Variants in NAGA observed in about 807,000 individuals in gnomAD.
NAGA encodes the protein alpha-N-acetylgalactosaminidase.
Under a neutral mutation model 45.6 loss-of-function variants are expected in NAGA, and 42 were observed. That is an observed-to-expected ratio of 0.92 (90% CI 0.72 to 1.19). The LOEUF (loss-of-function observed/expected upper bound fraction) is 1.19. NAGA is among the 50% of genes most tolerant of loss of function. NAGA has a pLI of 0.00. For synonymous variants in NAGA, 176 were observed against 203.1 expected, an observed-to-expected ratio of 0.87 and a Z score of 1.13; for missense variants, 493 against 544.8, an observed-to-expected ratio of 0.90 and a Z score of 0.95.
chr22:42,068,084 T>C, intron 2 of NAGA, 148 bp from the exon 3 acceptor site: 1 of 838,054 alleles, frequency 1.2e-6, no homozygotes. Flanking sequence ...CCACCAGAGA[T>C]TGTGCGATGA....
chr22:42,060,824 A>C, intron 8 of NAGA, 100 bp downstream of exon 8: 2 of 1,538,276 alleles, frequency 1.3e-6, no homozygotes, highest in Non-Finnish European at 1.8e-6. Flanking sequence ...CCCTAAGCCC[A>C]CGGCTCAGGG....
chr22:42,062,639 AGAG>A (rs970392905), intron 7 of NAGA, among the ~76,000 whole-genome samples, 185 bp downstream of exon 7: 3 of 152,174 alleles, frequency 2.0e-5, no homozygotes, highest in Admixed American at 6.5e-5. Context: ...TCACCCAGCA[AGAG>A]GAGGACAGTT....
chr22:42,067,128 C>T lies in NAGA; in HGVS notation c.487G>A (p.Glu163Lys), dbSNP rs372458856. The T allele has an allele frequency of 8.7e-5, 141 of 1,613,918 alleles. No individual in the cohort carries two copies. Among genetic ancestry groups the T allele is most frequent in the Non-Finnish European group, 1.1e-4 (133 of 1,179,996 alleles). Residue 163 changes from glutamate to lysine, a missense_variant, in exon 4 of 9, where the codon GAG (glutamate) becomes AAG (lysine). Transcript: ENST00000396398. ...LKLDGCFSTP[E>K]ERAQGYPKMA... ...CGTAACTCACCCTGGGCCCGCTCCT[C>T]GGGGGTGGAGAAGCAGCCATCCAGC...
chr22:42,067,737 C>G (rs2859434), intron 3 of NAGA, 28 bp downstream of exon 3: 1 of 1,605,454 alleles, frequency 6.2e-7, no homozygotes, highest in Non-Finnish European at 8.5e-7. Flanking sequence ...AGCCCTGAGG[C>G]CAAGGGCAGG....
chr22:42,061,609 T>C (rs897883030), intron 7 of NAGA, among the ~76,000 whole-genome samples: 1 of 152,162 alleles, frequency 6.6e-6, no homozygotes, highest in African/African-American at 2.4e-5. Flanking sequence ...GTGCCTTCCA[T>C]AGTTCTGTAG....
rs781390624 is a variant in NAGA, at chr22:42,060,915, G to A, written c.1101+9C>T. On this transcript the variant is annotated intron_variant, in intron 8 of 8. Coordinates refer to ENST00000396398, the MANE Select transcript of NAGA (RefSeq NM_000262.3). ...CCAGGCGGGTGGCTGCAGGCAGCCG[G>A]GTGCTCACCTCATATATCACAGACC... The A allele has an allele frequency of 1.9e-6, 3 of 1,614,122 alleles. No individual in the cohort carries two copies. The highest frequency in any genetic ancestry group is 2.2e-5 in the East Asian group (1 of 44,872).
chr22:42,065,205 G>A (rs1926652583), intron 6 of NAGA, among the ~76,000 whole-genome samples: 1 of 152,182 alleles, frequency 6.6e-6, no homozygotes, highest in Admixed American at 6.5e-5. Context: ...GATCAATCAG[G>A]TAGTAAATGC....
At chr22:42,062,607 G>A (rs1211141487) in intron 7 of NAGA, among the ~76,000 whole-genome samples, 1 of 152,174 alleles carries the variant, frequency 6.6e-6, no homozygotes, top group East Asian at 1.9e-4. Flanking sequence ...ACTCCCTTGA[G>A]CTGTCCTGCT....
chr22:42,061,910 C>T (rs1686360258), intron 7 of NAGA, among the ~76,000 whole-genome samples: 1 of 146,524 alleles, frequency 6.8e-6, no homozygotes. Flanking sequence ...TGAGATGGTG[C>T]CACTGCACTC....
chr22:42,061,711 G>A (rs1008222830), intron 7 of NAGA, among the ~76,000 whole-genome samples: 6 of 152,280 alleles, frequency 3.9e-5, no homozygotes, highest in East Asian at 3.9e-4. Flanking sequence ...TTGTGAGGCC[G>A]AGGCCAGTGG....
intron 1 of NAGA, among the ~76,000 whole-genome samples, chr22:42,069,844 C>T (rs989116637): frequency 2.6e-5 from 4 of 152,320 alleles, no homozygotes; most frequent in Middle Eastern, 3.4e-3. Context: ...GGCCAGACTC[C>T]AGGTCTCCTG....
chr22:42,060,422 G>C lies in NAGA; in HGVS notation c.1102-9C>G. On this transcript the variant is annotated splice_polypyrimidine_tract_variant and intron_variant, in intron 8 of 8. Coordinates refer to ENST00000396398, the MANE Select transcript of NAGA (RefSeq NM_000262.3). ...GAGTAGACGTCCTGGGCCTGCAGTGGGGAGGGACATCACCAATGCCACCAT... is the reference window on the plus strand; with the variant it reads ...GAGTAGACGTCCTGGGCCTGCAGTGCGGAGGGACATCACCAATGCCACCAT... The C allele has an allele frequency of 6.2e-7, 1 of 1,612,602 alleles. No homozygotes were observed.
At chr22:42,064,563 T>C (rs1465697820) in intron 6 of NAGA, among the ~76,000 whole-genome samples, 1 of 151,444 alleles carries the variant, frequency 6.6e-6, no homozygotes, top group Non-Finnish European at 1.5e-5. Context: ...GAGAATCGCT[T>C]GAACCTGGGA....
intron 7 of NAGA, 147 bp downstream of exon 7, chr22:42,062,680 C>A (rs1431305662): frequency 1.3e-5 from 11 of 877,844 alleles, no homozygotes; most frequent in Non-Finnish European, 1.8e-5. Flanking sequence ...AGTCCTCAAC[C>A]ATAAGCAACC....
chr22:42,067,952 G>C lies in NAGA; in HGVS notation c.153-16C>G. ...GAGCTGTTCACTAGTGAGGGGCAGA[G>C]GGATGGGGTAGCTCAGGGACCCAGC... On this transcript the variant is annotated splice_polypyrimidine_tract_variant and intron_variant, in intron 2 of 8. Transcript: ENST00000396398. 1 of 1,612,844 alleles carries C rather than the reference G, an allele frequency of 6.2e-7. No homozygotes were observed.
intron 6 of NAGA, among the ~76,000 whole-genome samples, chr22:42,064,495 A>AG (rs1926604720): frequency 6.8e-6 from 1 of 148,058 alleles, no homozygotes; most frequent in African/African-American, 2.5e-5. Context: ...AAAAAAAAAA[A>AG]TTAGCTGGGT....
rs760003063 is a variant in NAGA at position 42,067,129 on chromosome 22, G to C, written c.486C>G (p.Pro162=). ...MLKLDGCFST[P]EERAQGYPKM... is the part of the protein sequence containing the mutation. ...GTAACTCACCCTGGGCCCGCTCCTCGGGGGTGGAGAAGCAGCCATCCAGCT... is the reference window on the plus strand; with the variant it reads ...GTAACTCACCCTGGGCCCGCTCCTCCGGGGTGGAGAAGCAGCCATCCAGCT... The change falls in exon 4 of 9, where the codon CCC becomes CCG. Residue 162 remains proline (P), a synonymous_variant. Coordinates refer to ENST00000396398, the MANE Select transcript of NAGA (RefSeq NM_000262.3). 6.2e-6 allele frequency: 10 copies of C among 1,613,968 alleles called. No individual in the cohort carries two copies. The highest frequency in any genetic ancestry group is 8.5e-6 in the Non-Finnish European group (10 of 1,179,978).
At position 42,067,774 on chromosome 22, in the gene NAGA, C is replaced by A; in HGVS notation, c.315G>T (p.Leu105=). The A allele has an allele frequency of 6.2e-7, 1 of 1,612,386 alleles. No individual in the cohort carries two copies. The highest frequency in any genetic ancestry group is 2.2e-5 in the East Asian group (1 of 44,884). ...PKRFPHGIPF[L]ADYVHSLGLK... is the part of the protein sequence containing the mutation. ...CTGGGGTGCGGCTCACGTAGTCAGCCAGGAAAGGAATGCCATGAGGGAAGC... is the reference window on the plus strand; with the variant it reads ...CTGGGGTGCGGCTCACGTAGTCAGCAAGGAAAGGAATGCCATGAGGGAAGC... Residue 105 remains leucine, a synonymous_variant, in exon 3 of 9, where the codon CTG becomes CTT. Transcript: ENST00000396398.
At position 42,070,211 on chromosome 22, in the gene NAGA, GA is replaced by G. The variant is rs1189607483; in HGVS notation, c.16+70del. On this transcript the variant is annotated intron_variant, in intron 1 of 8. Coordinates refer to ENST00000396398, the MANE Select transcript of NAGA (RefSeq NM_000262.3). ...TGTCTCTCCACATACCCACATTAGG[GA>G]AGAAGGGCCAAAGCACTCCTTGTAG... 1.6e-5 allele frequency: 25 copies of G among 1,550,906 alleles called. No individual in the cohort carries two copies. In the East Asian group the frequency reaches 3.8e-4, roughly 24 times the overall value.
Sources: allele counts gnomAD v4.1 joint callset (sites outside exome capture counted in the v4.1 genomes callset), GRCh38; gene constraint gnomAD v4.1.1; transcripts MANE v1.5; gene names NCBI Gene and HGNC (gene_info 2026-07-23, HGNC 2026-07-21).